NAIP: variants seen among roughly 807,000 people sequenced by gnomAD.
NAIP encodes baculoviral IAP repeat-containing protein 1.
A neutral mutation model predicts 23.0 loss-of-function variants in NAIP; 15 were observed. The ratio of observed to expected loss-of-function variants is 0.65; its 90% CI spans 0.44 to 1.00. The LOEUF is 1.00. Among genes scored for constraint, NAIP ranks in the 50% least tolerant of loss-of-function variants. NAIP has a pLI of 0.00. For synonymous variants in NAIP, 100 were observed against 100.2 expected, an observed-to-expected ratio of 1.00 and a Z score of 0.01; for missense variants, 265 against 278.8, an observed-to-expected ratio of 0.95 and a Z score of 0.35.
Position 71,012,992 on chromosome 5 carries a change from G to A in NAIP, c.-3-74C>T, listed in dbSNP as rs1396070780. On this transcript the variant is annotated intron_variant, in intron 3 of 16. Transcript: ENST00000517649. ...TAGAAGAGCATTTCCCACTGTTTCCGAAGAAACCAGGAATTAAAGGAATGC... is the reference window on the plus strand; with the variant it reads ...TAGAAGAGCATTTCCCACTGTTTCCAAAGAAACCAGGAATTAAAGGAATGC... 17 of 1,287,232 alleles carry A rather than the reference G, an allele frequency of 1.3e-5. No homozygotes were observed. The Admixed American group carries it at 1.4e-4, about 10-fold the overall frequency. 79.7% of individuals were successfully genotyped at this position (1,287,232 alleles called of 1,614,324 possible).
chr5:70,981,315 CT>C (rs1355203822), intron 12 of NAIP, among the ~76,000 whole-genome samples: 51 of 103,230 alleles, frequency 4.9e-4, no homozygotes, highest in Non-Finnish European at 7.4e-4. Context: ...GGTGGATCAC[CT>C]GAGGTCAGGA....
At position 71,012,792 on chromosome 5, in the gene NAIP, C is replaced by G; in HGVS notation, c.124G>C (p.Glu42Gln). ...VQLAKELEEE[E>Q]QKERAKMQKG... is the part of the protein sequence containing the mutation. The stretch of plus-strand genomic sequence containing the variant: ...TGCATTTTTGCTCGCTCCTTCTGCT[C>G]CTCTTCTTCTAGTTCCTTTGCCAAC... Residue 42 changes from glutamate (E) to glutamine (Q), a missense_variant, in exon 4 of 17, where the codon GAG (glutamate) becomes CAG (glutamine). By Grantham distance (29) the Glu-to-Gln change is conservative (BLOSUM62 2). This residue lies in a region of NAIP where 261 missense variants were observed against 259.2 expected (regional missense o/e 1.01). Transcript: ENST00000517649. 6.2e-7 allele frequency: 1 copy of G among 1,612,006 alleles called. No individual in the cohort carries two copies. Among genetic ancestry groups the G allele is most frequent in the Non-Finnish European group, 8.5e-7 (1 of 1,178,538 alleles).
At chr5:70,996,830 A>G (rs1750697364) in intron 9 of NAIP, among the ~76,000 whole-genome samples, 1 of 113,768 alleles carries the variant, frequency 8.8e-6, no homozygotes, top group Non-Finnish European at 1.9e-5. Context: ...AGATGGCTAT[A>G]ATTTTTTTAA....
intron 5 of NAIP, among the ~76,000 whole-genome samples, chr5:71,008,229 C>G (rs1750965228): frequency 6.7e-6 from 1 of 149,260 alleles, no homozygotes; most frequent in Non-Finnish European, 1.5e-5. Context: ...GCCACCACGC[C>G]TGGCCAATTT....
intron 13 of NAIP, among the ~76,000 whole-genome samples, chr5:70,977,742 T>C (rs1465408404): frequency 1.5e-5 from 2 of 133,818 alleles, no homozygotes; most frequent in Non-Finnish European, 3.2e-5. Flanking sequence ...CCTGTAATCC[T>C]AGTACTTTGG....
chr5:71,007,229 C>G (rs925208942), intron 5 of NAIP, among the ~76,000 whole-genome samples: 3 of 81,932 alleles, frequency 3.7e-5, no homozygotes. Flanking sequence ...GGTGCACTGT[C>G]AGCATGGACA....
At position 71,011,267 on chromosome 5, in the gene NAIP, C is replaced by G; in HGVS notation, c.668+8G>C. The G allele has an allele frequency of 6.4e-7, 1 of 1,563,602 alleles. No homozygotes were observed. The highest frequency in any genetic ancestry group is 8.7e-7 in the Non-Finnish European group (1 of 1,152,864). On this transcript the variant is annotated splice_region_variant and intron_variant, in intron 5 of 16. Transcript: ENST00000517649. ...AAAGAAACATTTAAGCAAAAATTATCTACTTACTTGGGGAACCATTTGGCA... is the reference window on the plus strand; with the variant it reads ...AAAGAAACATTTAAGCAAAAATTATGTACTTACTTGGGGAACCATTTGGCA...
chr5:71,010,483 T>C (rs914876185), intron 5 of NAIP, among the ~76,000 whole-genome samples: 2 of 151,514 alleles, frequency 1.3e-5, no homozygotes, highest in South Asian at 4.2e-4. Context: ...TTAGCCAGGA[T>C]GGTCTTGATT....
At chr5:71,014,718 C>T (rs949961059) in intron 3 of NAIP, among the ~76,000 whole-genome samples, 2 of 151,326 alleles carry the variant, frequency 1.3e-5, no homozygotes, top group South Asian at 2.1e-4. Flanking sequence ...GCCTGGCCCA[C>T]ATGGTGAAAC....
chr5:71,011,607 C>A, intron 4 of NAIP: 1 of 539,758 alleles, frequency 1.9e-6, no homozygotes, highest in Non-Finnish European at 3.3e-6. Context: ...GCCCCAGCTG[C>A]CCCCCAGAGC....
At chr5:71,016,607 AAAAG>A (rs1258361784) in intron 3 of NAIP, among the ~76,000 whole-genome samples, 1 of 145,568 alleles carries the variant, frequency 6.9e-6, no homozygotes, top group Non-Finnish European at 1.5e-5. Context: ...AAATAAAATA[AAAAG>A]AACAACAAAA....
rs994997355 is a variant in NAIP, at chr5:71,011,578, C to A, written c.569-204G>T. Reference sequence around the variant, plus strand: ...CGTGCTCTAGGTACAGAACCCTAAGCTGTGTAACTCAATATCCTGCCCCAG... The same window carrying A: ...CGTGCTCTAGGTACAGAACCCTAAGATGTGTAACTCAATATCCTGCCCCAG... On this transcript the variant is annotated intron_variant, in intron 4 of 16. Transcript: ENST00000517649. The A allele has an allele frequency of 5.6e-5, 32 of 572,394 alleles. No individual in the cohort carries two copies. In the South Asian group the frequency reaches 7.5e-4, roughly 13 times the overall value. The allele number at this position is 572,394 out of a possible 1,614,324, so 35.5% of individuals were successfully genotyped here. A position where few individuals can be genotyped will look rare whatever the true frequency, so the allele number is the denominator to read the frequency against.
intron 5 of NAIP, among the ~76,000 whole-genome samples, chr5:71,008,027 G>C (rs1313463151): frequency 7.9e-6 from 1 of 126,648 alleles, no homozygotes; most frequent in African/African-American, 3.0e-5. Flanking sequence ...GCCTCCCAAA[G>C]TGCTGGGATC....
In NAIP at chr5:71,012,849, G is replaced by C; in HGVS notation, c.67C>G (p.Leu23Val). The part of the protein sequence containing the change: ...SQFDHNLLPE[L>V]SALLGLDAVQ... ...GCATCTAGGCCCAGAAGAGCAGACAGCTCTGGCAGCAAATTGTGATCAAAC... is the reference window on the plus strand; with the variant it reads ...GCATCTAGGCCCAGAAGAGCAGACACCTCTGGCAGCAAATTGTGATCAAAC... The change falls in exon 4 of 17, where the codon CTG (leucine) becomes GTG (valine). Residue 23 changes from leucine to valine, a missense_variant. By Grantham distance (32) the Leu-to-Val change is conservative (BLOSUM62 1). This residue lies in a region of NAIP where 261 missense variants were observed against 259.2 expected (regional missense o/e 1.01). Transcript: ENST00000517649. 5.6e-6 allele frequency: 9 copies of C among 1,610,358 alleles called. 1 individual carries two copies. Among genetic ancestry groups the C allele is most frequent in the Non-Finnish European group, 7.6e-6 (9 of 1,177,976 alleles).
chr5:71,009,669 C>G (rs1168387865), intron 5 of NAIP, among the ~76,000 whole-genome samples: 2 of 151,338 alleles, frequency 1.3e-5, no homozygotes, highest in East Asian at 3.9e-4. Context: ...CAGGGCGAGA[C>G]TCTGTCTCAA....
At chr5:71,015,022 T>C (rs999618935) in intron 3 of NAIP, among the ~76,000 whole-genome samples, 27 of 151,724 alleles carry the variant, frequency 1.8e-4, no homozygotes, top group African/African-American at 5.6e-4. Flanking sequence ...TAAATGTGCA[T>C]TGGTGGCCTT....
Position 71,012,789 on chromosome 5 carries a change from GCTC to G in NAIP, c.124_126del (p.Glu42del). The G allele has an allele frequency of 6.2e-7, 1 of 1,611,968 alleles. No individual in the cohort carries two copies. The highest frequency in any genetic ancestry group is 8.5e-7 in the Non-Finnish European group (1 of 1,178,514). On this transcript the variant is annotated inframe_deletion, in exon 4 of 17. Coordinates refer to ENST00000517649, the MANE Select transcript of NAIP (RefSeq NM_004536.3). The stretch of plus-strand genomic sequence containing the variant: ...TTCTGCATTTTTGCTCGCTCCTTCT[GCTC>G]CTCTTCTTCTAGTTCCTTTGCCAAC...
At chr5:71,015,113 A>G (rs1355457016) in intron 3 of NAIP, among the ~76,000 whole-genome samples, 1 of 151,632 alleles carries the variant, frequency 6.6e-6, no homozygotes, top group Non-Finnish European at 1.5e-5. Flanking sequence ...GTGGAGGCTC[A>G]CACCTGTAAT....
chr5:70,979,555 A>T, intron 13 of NAIP, among the ~76,000 whole-genome samples: 1 of 26,934 alleles, frequency 3.7e-5, no homozygotes, highest in Non-Finnish European at 5.8e-5. Flanking sequence ...AGCCTGGGCG[A>T]CAGCGGGAGA....
Sources: allele counts gnomAD v4.1 joint callset (sites outside exome capture counted in the v4.1 genomes callset), GRCh38; gene constraint gnomAD v4.1.1; regional missense constraint gnomAD v4.1.1; transcripts MANE v1.5; gene names NCBI Gene and HGNC (gene_info 2026-07-23, HGNC 2026-07-21).